PHF3: variants seen among roughly 807,000 people sequenced by gnomAD.
PHF3 encodes the protein PHD finger protein 3.
A neutral mutation model predicts 178.4 loss-of-function variants in PHF3; 41 were observed. That is an observed-to-expected ratio of 0.23 (90% CI 0.18 to 0.30). PHF3 has a LOEUF of 0.30. Among genes scored for constraint, PHF3 ranks in the 10% least tolerant of loss-of-function variants. The probability of loss-of-function intolerance (pLI) is 1.00; values close to 1 mark genes in which losing one functional copy is unlikely to be tolerated. For missense variants in PHF3, 2,346 were observed against 2,398.1 expected, an observed-to-expected ratio of 0.98 and a Z score of 0.45; for synonymous variants, 842 against 800.5, an observed-to-expected ratio of 1.05 and a Z score of -0.88.
rs1286251187 is a variant in PHF3, at chr6:63,712,039, C to T, written c.4451C>T (p.Ala1484Val). 1.2e-6 allele frequency: 2 copies of T among 1,613,338 alleles called. No individual in the cohort carries two copies. The highest frequency in any genetic ancestry group is 1.7e-6 in the Non-Finnish European group (2 of 1,179,624). Residue 1484 changes from alanine to valine, a missense_variant, in exon 16 of 16, where the codon GCC becomes GTC. Transcript: ENST00000262043. The part of the protein sequence containing the change: ...LGTTGQVYDQ[A>V]QSVMEQNTVK... ...ACCACTGGTCAAGTATATGACCAGG[C>T]CCAGTCAGTGATGGAACAAAACACT...
chr6:63,695,843 A>G (rs1449710101), intron 6 of PHF3, among the ~76,000 whole-genome samples: 1 of 152,206 alleles, frequency 6.6e-6, no homozygotes, highest in East Asian at 1.9e-4. Flanking sequence ...GAGTCTGAGA[A>G]AAGAAAAAGG....
chr6:63,643,008 T>TA (rs1764641348), intron 1 of PHF3, among the ~76,000 whole-genome samples: 1 of 152,162 alleles, frequency 6.6e-6, no homozygotes, highest in Admixed American at 6.5e-5. Context: ...GTTTCCCTGA[T>TA]TATTAACATC....
chr6:63,667,719 A>G (rs1226747750), intron 2 of PHF3, among the ~76,000 whole-genome samples: 1 of 152,208 alleles, frequency 6.6e-6, no homozygotes, highest in East Asian at 1.9e-4. Flanking sequence ...TCCTTTTTCC[A>G]TTGATACATT....
rs756854176 is a variant in PHF3 at position 63,698,453 on chromosome 6, A to G, written c.2830A>G (p.Thr944Ala). ...TTGAATTGTTCTAATTTTAAGACTT[A>G]CAGACTCAAATTTGAAGGTACCAGA... ...SLKDILMKRL[T>A]DSNLKVPEEK... The change falls in exon 8 of 16, where the codon ACA (threonine) becomes GCA (alanine). Residue 944 changes from threonine to alanine, a missense_variant. This residue lies in a region of PHF3 where 252 missense variants were observed against 232.0 expected (regional missense o/e 1.09). Coordinates refer to ENST00000262043, the MANE Select transcript of PHF3 (RefSeq NM_001370348.2). 1.3e-5 allele frequency: 21 copies of G among 1,593,528 alleles called. No homozygotes were observed. Among genetic ancestry groups the G allele is most frequent in the Non-Finnish European group, 1.8e-5 (21 of 1,172,016 alleles).
At chr6:63,695,302 T>C (rs1244854017) in intron 6 of PHF3, among the ~76,000 whole-genome samples, 1 of 152,120 alleles carries the variant, frequency 6.6e-6, no homozygotes, top group African/African-American at 2.4e-5. Context: ...CATAAAGGGA[T>C]AGAACAGTGT....
At chr6:63,675,290 G>C (rs999896520) in intron 2 of PHF3, among the ~76,000 whole-genome samples, 8 of 152,130 alleles carry the variant, frequency 5.3e-5, no homozygotes, top group Admixed American at 6.5e-5. Context: ...TACAAGGCAG[G>C]ACTAGTAGGG....
rs766085140 is a variant in PHF3, at chr6:63,713,188, G to A, written c.5600G>A (p.Arg1867His). 80 of 1,613,904 alleles carry A rather than the reference G, an allele frequency of 5.0e-5. 2 individuals are homozygous for A. The highest frequency in any genetic ancestry group is 2.9e-4 in the African/African-American group (22 of 74,888). ...GTTCATCTCCCAGGTCAGCCACAGC[G>A]TATGATGGGTCCTCTCTCACAAGCA... is the stretch of plus-strand genomic sequence containing the variant. The part of the protein sequence containing the change: ...PVVHLPGQPQ[R>H]MMGPLSQASR... Residue 1867 changes from arginine to histidine, a missense_variant, in exon 16 of 16, where the codon CGT becomes CAT. By Grantham distance (29) the Arg-to-His change is conservative. Around this residue, in one of 8 missense-constraint regions of PHF3, gnomAD observed 839 missense variants for 806.9 expected, o/e 1.04. Coordinates refer to ENST00000262043, the MANE Select transcript of PHF3 (RefSeq NM_001370348.2).
At chr6:63,711,047 C>T (rs914230784) in intron 14 of PHF3, 120 bp from the exon 15 acceptor site, 2 of 648,082 alleles carry the variant, frequency 3.1e-6, no homozygotes, top group Middle Eastern at 4.1e-4. Context: ...TGGTAAACCA[C>T]GTTATTTGGT....
chr6:63,679,751 A>G lies in PHF3; in HGVS notation c.245-249A>G, dbSNP rs369207177. Reference sequence around the variant, plus strand: ...AAATGGAAGTGATATTTGAGGCTAAATCAGGAAAGAGTATAATATAGCTAA... The same window carrying G: ...AAATGGAAGTGATATTTGAGGCTAAGTCAGGAAAGAGTATAATATAGCTAA... On this transcript the variant is annotated intron_variant, in intron 2 of 15. Transcript: ENST00000262043. The G allele has an allele frequency of 1.3e-4, 65 of 499,220 alleles. No homozygotes were observed. In the East Asian group the frequency reaches 2.0e-3, roughly 15 times the overall value. The allele number at this position is 499,220 out of a possible 1,614,324, so 30.9% of individuals were successfully genotyped here.
chr6:63,689,018 C>T (rs935473686), intron 4 of PHF3, among the ~76,000 whole-genome samples: 5 of 152,108 alleles, frequency 3.3e-5, no homozygotes, highest in African/African-American at 1.2e-4. Flanking sequence ...TGTGTCATGG[C>T]TAGATGTGAT....
chr6:63,654,522 A>G (rs1429548379), intron 2 of PHF3, among the ~76,000 whole-genome samples: 1 of 152,224 alleles, frequency 6.6e-6, no homozygotes, highest in Non-Finnish European at 1.5e-5. Context: ...TATGTTTTGA[A>G]GAGAGCAAAA....
At chr6:63,671,509 G>A (rs2149568729) in intron 2 of PHF3, among the ~76,000 whole-genome samples, 1 of 152,326 alleles carries the variant, frequency 6.6e-6, no homozygotes, top group South Asian at 2.1e-4. Context: ...ACTTGGGCTA[G>A]TTAGGGAAGG....
chr6:63,680,843 G>C (rs1223919503), intron 3 of PHF3, among the ~76,000 whole-genome samples: 1 of 152,032 alleles, frequency 6.6e-6, no homozygotes, highest in Non-Finnish European at 1.5e-5. Context: ...ACAGACTCCT[G>C]TTAGTCCTAT....
Position 63,664,080 on chromosome 6 carries a change from G to A in PHF3, c.245-15920G>A, listed in dbSNP as rs571077535. ...AATAGGAATTCCAGTAAATGAGGGA[G>A]AATGGCTGAATGGTTATTGGGCAAC... On this transcript the variant is annotated intron_variant, in intron 2 of 15. Transcript: ENST00000262043. Among the ~76,000 whole-genome samples, 4 of 152,218 alleles carry A rather than the reference G, an allele frequency of 2.6e-5. No homozygotes were observed. The South Asian group carries it at 6.2e-4, about 24-fold the overall frequency.
intron 1 of PHF3, 89 bp downstream of exon 1, chr6:63,636,239 C>T (rs1764325439): frequency 3.3e-6 from 1 of 307,084 alleles, no homozygotes. Flanking sequence ...CCGCGGGCCT[C>T]TCCGCCCCTC....
rs1200246151 is a variant in PHF3 at position 63,716,337 on chromosome 6, C to CATAT, written c.*2633_*2636dup. 1.3e-5 allele frequency among the ~76,000 whole-genome samples: 2 copies of CATAT among 152,132 alleles called. No homozygotes were observed. The highest frequency in any genetic ancestry group is 2.9e-5 in the Non-Finnish European group (2 of 68,008). On this transcript the variant is annotated 3_prime_UTR_variant, in exon 16 of 16. Coordinates refer to ENST00000262043, the MANE Select transcript of PHF3 (RefSeq NM_001370348.2). ...GAAAAAGAAGCAAAAGCCTGATGAT[C>CATAT]ATATATACCTTTCATAGCCCTCTTT...
rs1451081807 is a variant in PHF3, at chr6:63,719,865, G to C, written c.*6157G>C. On this transcript the variant is annotated 3_prime_UTR_variant, in exon 16 of 16. Transcript: ENST00000262043. ...GGCTTCTGCACTACTCTTCTCTCCA[G>C]AGGCAACCATTTTTAATTCTTTTAG... is the stretch of plus-strand genomic sequence containing the variant. 1 of 152,048 alleles carries C rather than the reference G, an allele frequency of 6.6e-6. No individual in the cohort carries two copies. Among genetic ancestry groups the C allele is most frequent in the Non-Finnish European group, 1.5e-5 (1 of 67,952 alleles). The allele number at this position is 152,048 out of a possible 1,614,324, so 9.4% of individuals were successfully genotyped here.
intron 2 of PHF3, among the ~76,000 whole-genome samples, chr6:63,656,467 G>C (rs892966613): frequency 6.6e-6 from 1 of 152,134 alleles, no homozygotes; most frequent in Non-Finnish European, 1.5e-5. Flanking sequence ...GTTGCTGACT[G>C]TGTGTTTGTA....
At chr6:63,660,455 A>G (rs952177240) in intron 2 of PHF3, among the ~76,000 whole-genome samples, 2 of 152,114 alleles carry the variant, frequency 1.3e-5, no homozygotes, top group Admixed American at 1.3e-4. Context: ...GCTGATTTTG[A>G]CTTTATTCAT....
Sources: allele counts gnomAD v4.1 joint callset (sites outside exome capture counted in the v4.1 genomes callset), GRCh38; gene constraint gnomAD v4.1.1; regional missense constraint gnomAD v4.1.1; transcripts MANE v1.5; gene names NCBI Gene and HGNC (gene_info 2026-07-23, HGNC 2026-07-21).